The following PSMA1 variants were observed in gnomAD, a reference collection of about 807,000 sequenced individuals.
The protein encoded by PSMA1 is proteasome 20S subunit alpha 1, also known as proteasome subunit alpha type-1.
In PSMA1, 3 loss-of-function variants were observed where a neutral mutation model predicts 38.4. The ratio of observed to expected loss-of-function variants is 0.08; its 90% CI spans 0.04 to 0.20. The LOEUF (loss-of-function observed/expected upper bound fraction) is 0.20, where lower values mean the gene tolerates loss of function less well. PSMA1 is among the 10% of genes least tolerant of loss of function. The probability of loss-of-function intolerance (pLI) is 1.00; values close to 1 mark genes in which losing one functional copy is unlikely to be tolerated. For missense variants in PSMA1, 227 were observed against 325.3 expected (o/e 0.70, Z 2.32); for synonymous variants, 101 against 107.1 (o/e 0.94, Z 0.35).
intron 1 of PSMA1, among the ~76,000 whole-genome samples, chr11:14,621,574 AAAATTATCCT>A: frequency 6.6e-6 from 1 of 152,276 alleles, no homozygotes; most frequent in South Asian, 2.1e-4. Context: ...TTTGGCCCTC[AAAATTATCCT>A]AAATATAGCA....
At chr11:14,632,934 C>T (rs1853047454) in intron 1 of PSMA1, among the ~76,000 whole-genome samples, 1 of 150,288 alleles carries the variant, frequency 6.7e-6, no homozygotes, top group African/African-American at 2.4e-5. Context: ...CGCATCGGCT[C>T]CTGAGGCTTC....
chr11:14,539,727 T>C (rs1233658761), intron 2 of PSMA1, among the ~76,000 whole-genome samples: 1 of 152,054 alleles, frequency 6.6e-6, no homozygotes, highest in African/African-American at 2.4e-5. Flanking sequence ...CAGGCGCCTA[T>C]AGTCCCAGCT....
At chr11:14,621,823 G>A (rs1852847079) in intron 1 of PSMA1, among the ~76,000 whole-genome samples, 1 of 152,120 alleles carries the variant, frequency 6.6e-6, no homozygotes, top group African/African-American at 2.4e-5. Context: ...TTAGCTTAAT[G>A]TCAATCTCTC....
chr11:14,515,680 A>G (rs1851414075), intron 4 of PSMA1, among the ~76,000 whole-genome samples: 1 of 151,556 alleles, frequency 6.6e-6, no homozygotes, highest in African/African-American at 2.4e-5. Context: ...CAGCCTCCCA[A>G]GTAGCTGGGA....
intron 2 of PSMA1, among the ~76,000 whole-genome samples, chr11:14,568,579 A>G (rs1264847670): frequency 6.6e-6 from 1 of 152,242 alleles, no homozygotes; most frequent in Non-Finnish European, 1.5e-5. Flanking sequence ...AGTCACTCAG[A>G]GTTGGCATCT....
At chr11:14,561,974 T>C (rs867883688) in intron 2 of PSMA1, among the ~76,000 whole-genome samples, 4 of 152,208 alleles carry the variant, frequency 2.6e-5, no homozygotes, top group Admixed American at 6.5e-5. Flanking sequence ...GGGATTTAAT[T>C]CATGGAATTT....
chr11:14,514,344 A>T (rs1851392872), intron 5 of PSMA1, 59 bp downstream of exon 5: 2 of 1,516,972 alleles, frequency 1.3e-6, no homozygotes, highest in Admixed American at 2.4e-5. Context: ...CTAATAATTA[A>T]CACAAGTATC....
At chr11:14,508,683 G>C (rs1203043681) in intron 8 of PSMA1, among the ~76,000 whole-genome samples, 1 of 151,882 alleles carries the variant, frequency 6.6e-6, no homozygotes, top group Non-Finnish European at 1.5e-5. Flanking sequence ...CAGAGTGACA[G>C]AGTGACCGTC....
At chr11:14,605,253 TGAGATG>T (rs1434042709) in intron 2 of PSMA1, among the ~76,000 whole-genome samples, 1 of 152,158 alleles carries the variant, frequency 6.6e-6, no homozygotes. Context: ...ATGACTGGTG[TGAGATG>T]GTATATCACT....
intron 1 of PSMA1, among the ~76,000 whole-genome samples, chr11:14,615,794 T>C (rs1223596561): frequency 6.6e-6 from 1 of 152,246 alleles, no homozygotes; most frequent in Non-Finnish European, 1.5e-5. Flanking sequence ...TGTTTTAGCC[T>C]ACCTGTTTGT....
intron 2 of PSMA1, among the ~76,000 whole-genome samples, chr11:14,547,742 G>A (rs1414711647): frequency 3.3e-5 from 5 of 152,136 alleles, no homozygotes; most frequent in Non-Finnish European, 7.4e-5. Flanking sequence ...AAACATCCAG[G>A]GCCATACTCC....
intron 2 of PSMA1, among the ~76,000 whole-genome samples, chr11:14,591,323 G>A (rs922126326): frequency 6.6e-6 from 1 of 152,324 alleles, no homozygotes; most frequent in Non-Finnish European, 1.5e-5. Flanking sequence ...AGGACCTGCA[G>A]CCCGCCATGC....
chr11:14,513,445 A>G, intron 7 of PSMA1, 125 bp downstream of exon 7: 1 of 1,102,424 alleles, frequency 9.1e-7, no homozygotes, highest in Non-Finnish European at 1.2e-6. Context: ...CATGGGCATA[A>G]TTTTTTTTAA....
At chr11:14,524,769 G>C (rs1851568846), upstream of PSMA1, among the ~76,000 whole-genome samples, 1 of 152,174 alleles carries the variant, frequency 6.6e-6, no homozygotes, top group African/African-American at 2.4e-5. Flanking sequence ...TCTGTGAAGA[G>C]ATCCACCTAT....
intron 2 of PSMA1, chr11:14,610,936 T>C (rs1243162320): frequency 6.2e-7 from 1 of 1,606,776 alleles, no homozygotes; most frequent in South Asian, 1.1e-5. Flanking sequence ...ATGCATTCTG[T>C]GTTTTATCAA....
chr11:14,603,821 A>G (rs1852612863), intron 2 of PSMA1, among the ~76,000 whole-genome samples: 1 of 152,264 alleles, frequency 6.6e-6, no homozygotes, highest in Non-Finnish European at 1.5e-5. Context: ...CTATAAAATT[A>G]TGAATTGGAA....
chr11:14,556,883 T>A (rs1851945555), intron 2 of PSMA1, among the ~76,000 whole-genome samples: 2 of 152,242 alleles, frequency 1.3e-5, no homozygotes, highest in African/African-American at 4.8e-5. Flanking sequence ...TTGCCCAGGC[T>A]AGGGTACAGT....
intron 2 of PSMA1, among the ~76,000 whole-genome samples, chr11:14,526,436 CA>C (rs1425647806): frequency 6.6e-6 from 1 of 152,162 alleles, no homozygotes; most frequent in Non-Finnish European, 1.5e-5. Context: ...TTTGTCCAAA[CA>C]ACTTGACCTT....
At chr11:14,586,542 G>A (rs760706788) in intron 2 of PSMA1, among the ~76,000 whole-genome samples, 27 of 152,116 alleles carry the variant, frequency 1.8e-4, no homozygotes, top group Non-Finnish European at 2.9e-4. Flanking sequence ...TATATGATAG[G>A]TATTCTATTT....
Sources: gnomAD v4.1 joint callset for allele counts (sites outside exome capture counted in the v4.1 genomes callset) on GRCh38, gnomAD v4.1.1 for gene constraint, MANE v1.5 for transcripts, NCBI Gene and HGNC (gene_info 2026-07-23, HGNC 2026-07-21) for gene names.